Variants in ITPR1 observed in about 807,000 individuals in gnomAD.
The protein encoded by ITPR1 is inositol 1,4,5-trisphosphate receptor type 1.
A neutral mutation model predicts 318.4 loss-of-function variants in ITPR1; 96 were observed. The ratio of observed to expected loss-of-function variants is 0.30; its 90% CI spans 0.26 to 0.36. The LOEUF (loss-of-function observed/expected upper bound fraction) is 0.36. Ranked by LOEUF, ITPR1 falls within the 10% of genes least tolerant of loss-of-function variation. The pLI, the probability that ITPR1 is intolerant of heterozygous loss-of-function variation, is 1.00. For missense variants in ITPR1, 2,440 were observed against 3,460.2 expected (o/e 0.71, Z 7.40); for synonymous variants, 1,312 against 1,289.9 (o/e 1.02, Z -0.37).
At chr3:4,798,494 C>T (rs953285388) in intron 53 of ITPR1, among the ~76,000 whole-genome samples, 2 of 152,214 alleles carry the variant, frequency 1.3e-5, no homozygotes, top group African/African-American at 2.4e-5. Flanking sequence ...CTGTCATACA[C>T]GGCTGGTGGG....
intron 52 of ITPR1, among the ~76,000 whole-genome samples, chr3:4,790,171 A>G (rs1485089215): frequency 6.6e-6 from 1 of 152,064 alleles, no homozygotes; most frequent in Non-Finnish European, 1.5e-5. Flanking sequence ...TTTTGAGATA[A>G]TGTCTCCAGC....
At position 4,627,864 on chromosome 3, in the gene ITPR1, C is replaced by G. The variant is rs934774125; in HGVS notation, c.265C>G (p.Leu89Val). ...CAACAGCACCACAGACGCAGTGCTA[C>G]TCAACAAACTGCACGTACGTATTGC... The part of the protein sequence containing the change: ...GANSTTDAVL[L>V]NKLHHAADLE... The change falls in exon 5 of 62, where the codon CTC becomes GTC. Residue 89 changes from leucine (L) to valine (V), a missense_variant. Leu to Val is a conservative substitution (Grantham distance 32). Transcript: ENST00000649015. The G allele has an allele frequency of 3.7e-6, 6 of 1,610,376 alleles. No homozygotes were observed. Among genetic ancestry groups the G allele is most frequent in the Admixed American group, 1.7e-5 (1 of 59,846 alleles).
intron 33 of ITPR1, among the ~76,000 whole-genome samples, chr3:4,694,687 AT>A (rs1201477417): frequency 2.0e-5 from 3 of 152,192 alleles, no homozygotes; most frequent in African/African-American, 7.2e-5. Flanking sequence ...ACACAATTGT[AT>A]TTGTGTATGT....
Position 4,736,099 on chromosome 3 carries a change from C to A in ITPR1, c.5544+745C>A, listed in dbSNP as rs943301135. On this transcript the variant is annotated intron_variant, in intron 44 of 61. Coordinates refer to ENST00000649015, the MANE Select transcript of ITPR1 (RefSeq NM_001378452.1). ...ATGATCCCTTTAAATATTTTTAATA[C>A]CTCCTTTATGCACTCTTCCTTCTTT... Among the ~76,000 whole-genome samples, 4 of 151,782 alleles carry A rather than the reference C, an allele frequency of 2.6e-5. No homozygotes were observed. In the East Asian group the frequency reaches 7.7e-4, roughly 29 times the overall value.
chr3:4,643,420 G>T (rs2093382412), intron 7 of ITPR1, among the ~76,000 whole-genome samples: 2 of 152,154 alleles, frequency 1.3e-5, no homozygotes, highest in Admixed American at 1.3e-4. Context: ...TGTGGCCATG[G>T]CTTAGTTGAG....
chr3:4,768,518 G>A lies in ITPR1; in HGVS notation c.5733G>A (p.Glu1911=), dbSNP rs1261739549. Reference sequence around the variant, plus strand: ...CTTATGCTTGCTTTCTAGCTAAAGAGCCCACAACACAGATAACAGAAGAGG... The same window carrying A: ...CTTATGCTTGCTTTCTAGCTAAAGAACCCACAACACAGATAACAGAAGAGG... ...RDAPSRKKAK[E]PTTQITEEVR... The change falls in exon 46 of 62, where the codon GAG becomes GAA. Residue 1911 remains glutamate (E), a synonymous_variant. Coordinates refer to ENST00000649015, the MANE Select transcript of ITPR1 (RefSeq NM_001378452.1). 1 of 1,606,584 alleles carries A rather than the reference G, an allele frequency of 6.2e-7. No individual in the cohort carries two copies. The highest frequency in any genetic ancestry group is 2.2e-5 in the East Asian group (1 of 44,676).
At chr3:4,519,203 C>G (rs2082374679) in intron 3 of ITPR1, among the ~76,000 whole-genome samples, 1 of 152,080 alleles carries the variant, frequency 6.6e-6, no homozygotes, top group Non-Finnish European at 1.5e-5. Flanking sequence ...ACCACTTCCT[C>G]CCCATTTGAG....
chr3:4,674,837 CTT>C (rs199718709), intron 22 of ITPR1, among the ~76,000 whole-genome samples: 7 of 143,588 alleles, frequency 4.9e-5, no homozygotes, highest in Admixed American at 6.9e-5. Context: ...ATGATGAGGT[CTT>C]TTTTTTTTTT....
chr3:4,785,603 T>C (rs546871456), intron 51 of ITPR1, among the ~76,000 whole-genome samples: 2 of 152,324 alleles, frequency 1.3e-5, no homozygotes, highest in East Asian at 1.9e-4. Context: ...GGAGCTTGAC[T>C]GAAGGGCCAG....
At chr3:4,603,029 T>C (rs1259748354) in intron 4 of ITPR1, among the ~76,000 whole-genome samples, 7 of 152,064 alleles carry the variant, frequency 4.6e-5, no homozygotes, top group Non-Finnish European at 1.0e-4. Flanking sequence ...ATGTAAAAAA[T>C]GTTCAAGCTT....
Position 4,493,525 on chromosome 3 carries a change from C to A in ITPR1, c.-173C>A, listed in dbSNP as rs931630537. On this transcript the variant is annotated 5_prime_UTR_variant, in exon 1 of 62. Coordinates refer to ENST00000649015, the MANE Select transcript of ITPR1 (RefSeq NM_001378452.1). Reference sequence around the variant, plus strand: ...CCTAACGGAACGAGCTCCCTCTTCGCGGACATGGGATTACCCAGCGGCTGC... The same window carrying A: ...CCTAACGGAACGAGCTCCCTCTTCGAGGACATGGGATTACCCAGCGGCTGC... The A allele has an allele frequency of 6.5e-6, 1 of 153,556 alleles. No homozygotes were observed. 9.5% of individuals were successfully genotyped at this position (153,556 alleles called of 1,614,324 possible). A position where few individuals can be genotyped will look rare whatever the true frequency, so the allele number is the denominator to read the frequency against.
intron 4 of ITPR1, among the ~76,000 whole-genome samples, chr3:4,594,755 C>G (rs1575646540): frequency 6.6e-6 from 1 of 151,904 alleles, no homozygotes; most frequent in African/African-American, 2.4e-5. Flanking sequence ...GCAAGTGAGA[C>G]CGGGAAATGT....
At chr3:4,692,110 C>A (rs1309914115) in intron 32 of ITPR1, among the ~76,000 whole-genome samples, 2 of 150,128 alleles carry the variant, frequency 1.3e-5, no homozygotes, top group Non-Finnish European at 3.0e-5. Context: ...CCACTGCACT[C>A]CAGCCTGGGC....
rs148973802 is a variant in ITPR1, at chr3:4,534,064, C to T, written c.163+12970C>T. The stretch of plus-strand genomic sequence containing the variant: ...CAGCCTGCCAAGTGGCATTCTCTCC[C>T]GGGCTTTGAGGACAGTTGCATTTGC... On this transcript the variant is annotated intron_variant, in intron 4 of 61. Transcript: ENST00000649015. 2.4e-4 allele frequency among the ~76,000 whole-genome samples: 37 copies of T among 152,338 alleles called. 1 individual carries two copies. Among genetic ancestry groups the T allele is most frequent in the African/African-American group, 7.7e-4 (32 of 41,582 alleles).
intron 36 of ITPR1, among the ~76,000 whole-genome samples, chr3:4,704,651 CAAGTGG>C (rs1469830053): frequency 6.6e-6 from 1 of 151,970 alleles, no homozygotes; most frequent in African/African-American, 2.4e-5. Flanking sequence ...AATATTTTAG[CAAGTGG>C]TTGACTTGAC....
chr3:4,621,503 G>A (rs190867988), intron 4 of ITPR1, among the ~76,000 whole-genome samples: 20 of 152,260 alleles, frequency 1.3e-4, no homozygotes, highest in African/African-American at 4.6e-4. Flanking sequence ...AATTCAACAC[G>A]AGATTTGGTG....
At chr3:4,825,068 C>T (rs2053502) in intron 60 of ITPR1, among the ~76,000 whole-genome samples, 99,197 of 152,046 alleles carry the variant, frequency 0.65, 32,897 homozygotes, top group African/African-American at 0.76. Context: ...CTCATCTGAA[C>T]GACTTTAACT....
At chr3:4,800,681 G>A (rs981379928) in intron 54 of ITPR1, 81 bp downstream of exon 54, 6 of 1,411,846 alleles carry the variant, frequency 4.2e-6, no homozygotes, top group Non-Finnish European at 4.9e-6. Context: ...TAGAATCCTG[G>A]CCTGTGCTTT....
intron 4 of ITPR1, among the ~76,000 whole-genome samples, chr3:4,620,462 G>A (rs926671790): frequency 3.3e-5 from 5 of 152,098 alleles, no homozygotes; most frequent in Non-Finnish European, 2.9e-5. Context: ...CACCCTTGAT[G>A]CCTGGAGCCC....
Sources: allele counts gnomAD v4.1 joint callset (sites outside exome capture counted in the v4.1 genomes callset), GRCh38; gene constraint gnomAD v4.1.1; transcripts MANE v1.5; gene names NCBI Gene and HGNC (gene_info 2026-07-23, HGNC 2026-07-21).